The following LAMA2 variants were observed in gnomAD, a reference collection of about 807,000 sequenced individuals.
LAMA2 encodes the protein laminin subunit alpha 2, also known as laminin subunit alpha-2.
In LAMA2, 269 loss-of-function variants were observed where a neutral mutation model predicts 364.8. The ratio of observed to expected loss-of-function variants is 0.74; its 90% CI spans 0.67 to 0.82. LAMA2 has a LOEUF of 0.82. LAMA2 is among the 40% of genes least tolerant of loss of function. The pLI is 0.00. For synonymous variants in LAMA2, 1,379 were observed against 1,370.6 expected (o/e 1.01, Z -0.14); for missense variants, 3,807 against 3,873.2 (o/e 0.98, Z 0.45).
At chr6:129,271,497 T>A (rs1273753481) in intron 17 of LAMA2, among the ~76,000 whole-genome samples, 1 of 138,724 alleles carries the variant, frequency 7.2e-6, no homozygotes, top group Non-Finnish European at 1.5e-5. Flanking sequence ...TGAGACAGAG[T>A]CTCGCTCTGT....
rs1416963287 is a variant in LAMA2, at chr6:129,401,323, A to G, written c.5545A>G (p.Ile1849Val). 4 of 1,591,310 alleles carry G rather than the reference A, an allele frequency of 2.5e-6. No homozygotes were observed. Among genetic ancestry groups the G allele is most frequent in the Non-Finnish European group, 3.4e-6 (4 of 1,159,584 alleles). Reference protein sequence around the residue: ...LDEANRLADEINSIIDYVEDI... With the variant: ...LDEANRLADEVNSIIDYVEDI... ...TGAAGCCAACCGTCTTGCAGATGAA[A>G]TCAACTCCATCATAGACGTGAGTAT... Residue 1849 changes from isoleucine (I) to valine (V), a missense_variant, in exon 38 of 65, where the codon ATC (isoleucine) becomes GTC (valine). Physicochemically the swap from Ile to Val is conservative, Grantham distance 29. Coordinates refer to ENST00000421865, the MANE Select transcript of LAMA2 (RefSeq NM_000426.4).
At chr6:128,908,408 C>T (rs1277215510) in intron 1 of LAMA2, among the ~76,000 whole-genome samples, 1 of 149,868 alleles carries the variant, frequency 6.7e-6, no homozygotes, top group Non-Finnish European at 1.5e-5. Context: ...TCTAGATTTT[C>T]TAGTTTATTT....
At chr6:129,406,824 G>A (rs1780271958) in intron 40 of LAMA2, among the ~76,000 whole-genome samples, 1 of 152,142 alleles carries the variant, frequency 6.6e-6, no homozygotes. Context: ...ACAAGATGAA[G>A]TCCCACAATA....
At chr6:128,984,785 C>T (rs1364342187) in intron 1 of LAMA2, among the ~76,000 whole-genome samples, 1 of 151,960 alleles carries the variant, frequency 6.6e-6, no homozygotes, top group Non-Finnish European at 1.5e-5. Context: ...TTTACTCCGT[C>T]CTCAGTTTTC....
chr6:129,138,227 A>G (rs1382191361), intron 4 of LAMA2, among the ~76,000 whole-genome samples: 2 of 152,094 alleles, frequency 1.3e-5, no homozygotes, highest in East Asian at 1.9e-4. Context: ...GAGGAAGGCC[A>G]GAGATAAAGC....
At chr6:129,225,051 T>C (rs2042017609) in intron 12 of LAMA2, among the ~76,000 whole-genome samples, 3 of 152,206 alleles carry the variant, frequency 2.0e-5, no homozygotes, top group Non-Finnish European at 4.4e-5. Flanking sequence ...TTCTTCCTTG[T>C]TTAGTATTGG....
intron 45 of LAMA2, among the ~76,000 whole-genome samples, chr6:129,447,316 G>C (rs894466840): frequency 2.0e-5 from 3 of 152,218 alleles, no homozygotes; most frequent in Non-Finnish European, 4.4e-5. Context: ...AGGGCCTGAA[G>C]ATTTCCTGAA....
chr6:129,011,270 C>G (rs4897291), intron 1 of LAMA2, among the ~76,000 whole-genome samples: 139,215 of 152,278 alleles, frequency 0.91, 63,653 homozygotes, highest in East Asian at 0.97. Context: ...ACACAGGAGT[C>G]CTTTCTAGAG....
At chr6:129,387,390 A>G (rs1779075472) in intron 35 of LAMA2, among the ~76,000 whole-genome samples, 1 of 152,228 alleles carries the variant, frequency 6.6e-6, no homozygotes, top group South Asian at 2.1e-4. Flanking sequence ...GTAATTATTA[A>G]AAAGTCAGGA....
At chr6:129,492,879 C>T (rs866877097) in intron 58 of LAMA2, among the ~76,000 whole-genome samples, 5 of 152,300 alleles carry the variant, frequency 3.3e-5, no homozygotes, top group Middle Eastern at 3.4e-3. Context: ...CTAGGCCAGG[C>T]GCGGTGGCTC....
chr6:128,941,420 G>A (rs182619164), intron 1 of LAMA2, among the ~76,000 whole-genome samples: 6 of 151,966 alleles, frequency 3.9e-5, no homozygotes, highest in Non-Finnish European at 7.4e-5. Flanking sequence ...AATGGATCTG[G>A]GATAGGGAGG....
intron 1 of LAMA2, among the ~76,000 whole-genome samples, chr6:128,984,482 A>G (rs988762233): frequency 6.6e-6 from 1 of 152,066 alleles, no homozygotes; most frequent in African/African-American, 2.4e-5. Flanking sequence ...TTTTCTCTAA[A>G]TTTCTCTTTT....
At chr6:128,903,678 C>T (rs1777229853) in intron 1 of LAMA2, among the ~76,000 whole-genome samples, 1 of 152,008 alleles carries the variant, frequency 6.6e-6, no homozygotes, top group Admixed American at 6.6e-5. Flanking sequence ...TTATTATTCC[C>T]TTGTAGGAAA....
chr6:129,224,605 A>G (rs1361575741), intron 12 of LAMA2, among the ~76,000 whole-genome samples: 1 of 151,834 alleles, frequency 6.6e-6, no homozygotes, highest in Non-Finnish European at 1.5e-5. Flanking sequence ...TGAGATAATC[A>G]TGTGGTTTTT....
chr6:129,370,977 C>T (rs2114629444), intron 34 of LAMA2, among the ~76,000 whole-genome samples: 1 of 152,278 alleles, frequency 6.6e-6, no homozygotes, highest in Middle Eastern at 3.4e-3. Context: ...TTTTCAGAAT[C>T]TCATAGCAAC....
chr6:129,157,995 C>T (rs1248113109), intron 8 of LAMA2: 1 of 1,612,714 alleles, frequency 6.2e-7, no homozygotes, highest in African/African-American at 1.3e-5. Context: ...AGCAATGCAG[C>T]AACTCCCATT....
chr6:129,382,891 GT>G (rs1237726021), intron 34 of LAMA2, among the ~76,000 whole-genome samples: 1 of 152,138 alleles, frequency 6.6e-6, no homozygotes, highest in Admixed American at 6.5e-5. Flanking sequence ...TATAACAAGC[GT>G]TTTTTAAAAG....
intron 39 of LAMA2, among the ~76,000 whole-genome samples, chr6:129,403,004 A>G (rs1275944810): frequency 6.6e-6 from 1 of 152,174 alleles, no homozygotes; most frequent in African/African-American, 2.4e-5. Context: ...TCTAGCTGGG[A>G]TTATTACAAA....
chr6:129,316,063 A>G lies in LAMA2; in HGVS notation c.3950A>G (p.Asp1317Gly). The G allele has an allele frequency of 6.2e-7, 1 of 1,613,864 alleles. No homozygotes were observed. The highest frequency in any genetic ancestry group is 8.5e-7 in the Non-Finnish European group (1 of 1,179,770). Residue 1317 changes from aspartate (D) to glycine (G), a missense_variant, in exon 27 of 65, where the codon GAT becomes GGT. Transcript: ENST00000421865. Reference protein sequence around the residue: ...TEKEWKYYGDDPRVHRTVTRE... With the variant: ...TEKEWKYYGDGPRVHRTVTRE... ...AAAGAATGGAAATATTATGGGGATG[A>G]TCCTCGAGTCCATAGAACTGTGACC...
Sources: allele counts gnomAD v4.1 joint callset (sites outside exome capture counted in the v4.1 genomes callset), GRCh38; gene constraint gnomAD v4.1.1; transcripts MANE v1.5; gene names NCBI Gene and HGNC (gene_info 2026-07-23, HGNC 2026-07-21).